LRP1B: variants seen among roughly 807,000 people sequenced by gnomAD.
The protein encoded by LRP1B is LDL receptor related protein 1B.
Under a neutral mutation model 556.6 loss-of-function variants are expected in LRP1B, and 217 were observed. The ratio of observed to expected loss-of-function variants is 0.39; its 90% CI spans 0.35 to 0.44. The LOEUF is 0.44. Ranked by LOEUF, LRP1B falls within the 20% of genes least tolerant of loss-of-function variation. The probability of loss-of-function intolerance (pLI) is 1.00; values close to 1 mark genes in which losing one functional copy is unlikely to be tolerated. For missense variants in LRP1B, 5,053 were observed against 5,620.8 expected, an observed-to-expected ratio of 0.90 and a Z score of 3.23; for synonymous variants, 2,047 against 1,865.8, an observed-to-expected ratio of 1.10 and a Z score of -2.50.
intron 1 of LRP1B, among the ~76,000 whole-genome samples, chr2:141,974,974 TTTTTA>T (rs888314508): frequency 2.0e-5 from 3 of 152,082 alleles, no homozygotes; most frequent in East Asian, 1.9e-4. Flanking sequence ...CACATCCATT[TTTTTA>T]TTTTATTTTG....
chr2:140,578,037 A>G (rs1238270855), intron 43 of LRP1B, among the ~76,000 whole-genome samples: 1 of 152,210 alleles, frequency 6.6e-6, no homozygotes, highest in Non-Finnish European at 1.5e-5. Flanking sequence ...TATAATAAAA[A>G]TATAAAGTCA....
At chr2:141,747,430 CTG>C (rs1179605002) in intron 2 of LRP1B, among the ~76,000 whole-genome samples, 2 of 152,114 alleles carry the variant, frequency 1.3e-5, no homozygotes, top group Admixed American at 6.5e-5. Context: ...GGGTAGTAAA[CTG>C]TACATGTGAC....
Position 140,502,878 on chromosome 2 carries a change from A to G in LRP1B, c.8662+85T>C, listed in dbSNP as rs986180477. 2.2e-6 allele frequency: 3 copies of G among 1,367,842 alleles called. No homozygotes were observed. In the African/African-American group the frequency reaches 4.3e-5, roughly 20 times the overall value. The allele number at this position is 1,367,842 out of a possible 1,614,324, so 84.7% of individuals were successfully genotyped here. On this transcript the variant is annotated intron_variant, in intron 54 of 90. Transcript: ENST00000389484. ...TGCTTAATAATTTGCATTTTCTCTC[A>G]TTGAATACTATACTAGACAGAAAAT...
chr2:140,678,869 C>T (rs187629201), intron 41 of LRP1B, among the ~76,000 whole-genome samples: 151 of 152,016 alleles, frequency 9.9e-4, no homozygotes, highest in African/African-American at 3.4e-3. Context: ...CCTCCGCCTC[C>T]CATGTTCAAG....
intron 2 of LRP1B, among the ~76,000 whole-genome samples, chr2:141,718,880 A>G (rs907611144): frequency 2.0e-5 from 3 of 152,184 alleles, no homozygotes; most frequent in Admixed American, 2.0e-4. Flanking sequence ...AGCAAAAACC[A>G]AAAACCAAAA....
intron 7 of LRP1B, among the ~76,000 whole-genome samples, chr2:141,125,845 A>AG (rs1701189840): frequency 6.5e-5 from 1 of 15,492 alleles, no homozygotes; most frequent in Admixed American, 6.6e-4. Flanking sequence ...TTTCAAATGC[A>AG]AAAAAAAAAA....
intron 2 of LRP1B, among the ~76,000 whole-genome samples, chr2:141,590,530 C>G (rs1440820597): frequency 1.3e-5 from 2 of 151,968 alleles, no homozygotes; most frequent in Non-Finnish European, 2.9e-5. Context: ...CTGAATTAAG[C>G]CTCAAACAGT....
intron 7 of LRP1B, among the ~76,000 whole-genome samples, chr2:141,095,025 C>A (rs530489823): frequency 2.0e-5 from 3 of 152,126 alleles, no homozygotes; most frequent in African/African-American, 7.2e-5. Context: ...TGAATGAATG[C>A]CATTATTGCA....
intron 59 of LRP1B, among the ~76,000 whole-genome samples, chr2:140,483,597 G>GACACACAC (rs1226188096): frequency 0.012 from 1,463 of 117,570 alleles, 23 homozygotes; most frequent in Non-Finnish European, 0.019. Context: ...CATATATATA[G>GACACACAC]ACACACACAC....
At chr2:142,101,816 G>A (rs748797333) in intron 1 of LRP1B, among the ~76,000 whole-genome samples, 6 of 151,886 alleles carry the variant, frequency 4.0e-5, no homozygotes, top group Non-Finnish European at 7.4e-5. Context: ...AGATATGAAA[G>A]TATCACGTTT....
Position 141,002,967 on chromosome 2 carries a change from T to C in LRP1B, c.2503+2368A>G, listed in dbSNP as rs150011530. Reference sequence around the variant, plus strand: ...AAATTGAAGAAGATGAGAAAAGTAGTAGAAAAGAAACCAAAGTTCTCATGT... The same window carrying C: ...AAATTGAAGAAGATGAGAAAAGTAGCAGAAAAGAAACCAAAGTTCTCATGT... On this transcript the variant is annotated intron_variant, in intron 15 of 90. Transcript: ENST00000389484. Among the ~76,000 whole-genome samples, 35 of 152,070 alleles carry C rather than the reference T, an allele frequency of 2.3e-4. 1 individual carries two copies. In the East Asian group the frequency reaches 5.2e-3, roughly 23 times the overall value.
rs75370162 is a variant in LRP1B at position 141,364,363 on chromosome 2, G to A, written c.344-109722C>T. 2.6e-3 allele frequency among the ~76,000 whole-genome samples: 390 copies of A among 149,122 alleles called. 1 individual carries two copies. The highest frequency in any genetic ancestry group is 9.1e-3 in the African/African-American group (368 of 40,400). ...GAATAATTAAATCACGCACACACAC[G>A]TAGTGGAATGATCAGATCATGCACA... On this transcript the variant is annotated intron_variant, in intron 3 of 90. Coordinates refer to ENST00000389484, the MANE Select transcript of LRP1B (RefSeq NM_018557.3).
chr2:140,943,305 G>A (rs1695453417), intron 20 of LRP1B, among the ~76,000 whole-genome samples: 1 of 152,054 alleles, frequency 6.6e-6, no homozygotes. Flanking sequence ...GACTTAGACA[G>A]CTACACAATA....
chr2:141,492,319 C>G (rs1683366040), intron 2 of LRP1B, among the ~76,000 whole-genome samples: 3 of 152,124 alleles, frequency 2.0e-5, no homozygotes, highest in South Asian at 2.1e-4. Flanking sequence ...TTATAGATCT[C>G]CCTTAAGACA....
chr2:141,771,799 T>C (rs1174569562), intron 2 of LRP1B, among the ~76,000 whole-genome samples: 2 of 151,996 alleles, frequency 1.3e-5, no homozygotes, highest in African/African-American at 2.4e-5. Context: ...ATCTCTTGCT[T>C]TTTTGTTGTT....
chr2:140,272,498 T>A (rs541914296), intron 85 of LRP1B, among the ~76,000 whole-genome samples: 1 of 152,130 alleles, frequency 6.6e-6, no homozygotes, highest in African/African-American at 2.4e-5. Flanking sequence ...CTCACTGTAC[T>A]TGATAGAGTA....
intron 3 of LRP1B, among the ~76,000 whole-genome samples, chr2:141,338,284 C>T (rs145612513): frequency 0.012 from 1,781 of 152,192 alleles, 23 homozygotes; most frequent in Middle Eastern, 0.02. Flanking sequence ...AATTGGGAGC[C>T]AAGACACAGA....
At chr2:141,352,432 T>C (rs1377033375) in intron 3 of LRP1B, among the ~76,000 whole-genome samples, 1 of 151,884 alleles carries the variant, frequency 6.6e-6, no homozygotes, top group South Asian at 2.1e-4. Flanking sequence ...GTTGCAATGA[T>C]AGTACAGAGT....
In LRP1B at chr2:140,849,808, G is replaced by A. The variant is rs566722616; in HGVS notation, c.4939+294C>T. Among the ~76,000 whole-genome samples the A allele has an allele frequency of 7.2e-5, 11 of 152,186 alleles. No individual in the cohort carries two copies. The East Asian group carries it at 7.7e-4, about 11-fold the overall frequency. ...ACCCGCCTCGGCCTCCCAAAGTGCCGGGATTACCGCTGTGAGCCACCGTGC... is the reference window on the plus strand; with the variant it reads ...ACCCGCCTCGGCCTCCCAAAGTGCCAGGATTACCGCTGTGAGCCACCGTGC... On this transcript the variant is annotated intron_variant, in intron 29 of 90. Transcript: ENST00000389484.
Sources: gnomAD v4.1 joint callset for allele counts (sites outside exome capture counted in the v4.1 genomes callset) on GRCh38, gnomAD v4.1.1 for gene constraint, MANE v1.5 for transcripts, NCBI Gene and HGNC (gene_info 2026-07-23, HGNC 2026-07-21) for gene names.